The following IL1R1 variants were observed in gnomAD, a reference collection of about 807,000 sequenced individuals.
IL1R1 encodes the protein interleukin-1 receptor type 1.
In IL1R1, 22 loss-of-function variants were observed where a neutral mutation model predicts 50.2. The observed-to-expected ratio is 0.44, with a 90% CI of 0.31 to 0.63. The LOEUF (loss-of-function observed/expected upper bound fraction) is 0.63. Among genes scored for constraint, IL1R1 ranks in the 20% least tolerant of loss-of-function variants. The pLI is 0.07. For missense variants in IL1R1, 509 were observed against 676.2 expected, an observed-to-expected ratio of 0.75 and a Z score of 2.74; for synonymous variants, 251 against 236.7, an observed-to-expected ratio of 1.06 and a Z score of -0.55.
At chr2:102,129,078 G>A (rs1057085389) in intron 1 of IL1R1, among the ~76,000 whole-genome samples, 1 of 152,052 alleles carries the variant, frequency 6.6e-6, no homozygotes, top group African/African-American at 2.4e-5. Flanking sequence ...GGGTGTGGTG[G>A]TCCAGGCCTG....
chr2:102,100,404 C>A (rs1411335884), upstream of IL1R1, among the ~76,000 whole-genome samples: 1 of 152,178 alleles, frequency 6.6e-6, no homozygotes, highest in Non-Finnish European at 1.5e-5. Flanking sequence ...CTGAGGCTTT[C>A]CAGTAGAGCA....
chr2:102,089,998 T>G (rs1490482796), intron 1 of IL1R1, among the ~76,000 whole-genome samples: 2 of 151,804 alleles, frequency 1.3e-5, no homozygotes, highest in African/African-American at 4.8e-5. Flanking sequence ...CACACCCGGC[T>G]AATTTTTTTG....
At chr2:102,170,087 C>CA (rs920093642) in intron 7 of IL1R1, among the ~76,000 whole-genome samples, 9 of 151,302 alleles carry the variant, frequency 5.9e-5, no homozygotes, top group Admixed American at 2.0e-4. Context: ...TCTCAATCTA[C>CA]AAAAAAAAGC....
intron 1 of IL1R1, among the ~76,000 whole-genome samples, chr2:102,115,792 A>G (rs1449209798): frequency 6.6e-6 from 1 of 152,194 alleles, no homozygotes; most frequent in East Asian, 1.9e-4. Context: ...AGAGGTAGAC[A>G]TTAGGGAAAC....
At chr2:102,114,010 A>T (rs1329292798) in intron 1 of IL1R1, among the ~76,000 whole-genome samples, 1 of 152,190 alleles carries the variant, frequency 6.6e-6, no homozygotes, top group East Asian at 1.9e-4. Context: ...GAAGGGAAAC[A>T]CTAGTTTATG....
intron 1 of IL1R1, among the ~76,000 whole-genome samples, chr2:102,088,278 A>T (rs2104304909): frequency 6.6e-6 from 1 of 152,360 alleles, no homozygotes; most frequent in East Asian, 1.9e-4. Context: ...AAATAATAAG[A>T]ATTGAAAGTC....
At chr2:102,142,148 G>A (rs1577941547), upstream of IL1R1, 1 of 152,268 alleles carries the variant, frequency 6.6e-6, no homozygotes, top group East Asian at 1.9e-4. Flanking sequence ...AGCAGATAAC[G>A]CGTGAGTAGT....
At chr2:102,086,319 C>T (rs1444656424) in intron 1 of IL1R1, among the ~76,000 whole-genome samples, 2 of 152,124 alleles carry the variant, frequency 1.3e-5, no homozygotes, top group Admixed American at 1.3e-4. Flanking sequence ...TTAATCACTT[C>T]ATTGTATTTC....
rs191711812 is a variant in IL1R1 at position 102,115,697 on chromosome 2, G to A, written c.-84+10825G>A. On this transcript the variant is annotated intron_variant, in intron 1 of 10. Transcript: ENST00000409329. ...GCAGTATTTGGGATAGGCCTTGGAG[G>A]GGGGAGAAGGCGGAAGAAGAAGACT... Among the ~76,000 whole-genome samples the A allele has an allele frequency of 6.6e-5, 10 of 152,204 alleles. No individual in the cohort carries two copies. The East Asian group carries it at 9.7e-4, about 15-fold the overall frequency.
intron 1 of IL1R1, among the ~76,000 whole-genome samples, chr2:102,114,968 T>C (rs1446834614): frequency 6.6e-6 from 1 of 152,168 alleles, no homozygotes; most frequent in Non-Finnish European, 1.5e-5. Context: ...AAAATGGACA[T>C]TGCTGCTGCC....
intron 10 of IL1R1, among the ~76,000 whole-genome samples, chr2:102,175,079 A>G (rs1359359399): frequency 2.2e-5 from 3 of 136,656 alleles, no homozygotes; most frequent in Non-Finnish European, 3.1e-5. Context: ...CTAGATCTTC[A>G]TGCATCAGGG....
intron 1 of IL1R1, among the ~76,000 whole-genome samples, chr2:102,110,041 A>G (rs1383199157): frequency 1.3e-5 from 2 of 152,100 alleles, no homozygotes; most frequent in Non-Finnish European, 2.9e-5. Context: ...CACATGGTTT[A>G]TTTGCTTTTG....
At chr2:102,168,710 TA>T in intron 7 of IL1R1, 47 bp downstream of exon 7, 4 of 1,241,106 alleles carry the variant, frequency 3.2e-6, no homozygotes, top group Middle Eastern at 1.9e-4. Flanking sequence ...TTTTTTTTTT[TA>T]AAACATAAGA....
At chr2:102,162,981 A>T (rs759093848) in intron 3 of IL1R1, among the ~76,000 whole-genome samples, 3 of 152,164 alleles carry the variant, frequency 2.0e-5, no homozygotes, top group Non-Finnish European at 4.4e-5. Flanking sequence ...TGAAAAAGTC[A>T]GTATTTTTTC....
intron 8 of IL1R1, 113 bp downstream of exon 8, chr2:102,172,031 C>CTTTTTTTTTTTTTTTTTTTT (rs35265416): frequency 2.3e-5 from 2 of 87,246 alleles, no homozygotes; most frequent in Non-Finnish European, 4.1e-5. Flanking sequence ...CCTTTGCTGC[C>CTTTTTTTTTTTTTTTTTTTT]TTTTTTTTTT....
At chr2:102,101,070 A>G (rs1577842496), upstream of IL1R1, among the ~76,000 whole-genome samples, 1 of 152,200 alleles carries the variant, frequency 6.6e-6, no homozygotes, top group African/African-American at 2.4e-5. Context: ...GATCAGGTCA[A>G]TTAGCACTCC....
intron 1 of IL1R1, among the ~76,000 whole-genome samples, chr2:102,137,157 G>A (rs1326472714): frequency 6.6e-6 from 1 of 152,172 alleles, no homozygotes; most frequent in East Asian, 1.9e-4. Flanking sequence ...AGGGAGGATA[G>A]GTGTTGTTTA....
At chr2:102,165,053 C>T (rs1357973118) in intron 4 of IL1R1, 45 bp downstream of exon 4, 1 of 1,571,046 alleles carries the variant, frequency 6.4e-7, no homozygotes, top group African/African-American at 1.4e-5. Context: ...TAGTTTCCTG[C>T]AGTTGTTAAG....
chr2:102,156,611 A>G (rs1439210006), intron 2 of IL1R1, among the ~76,000 whole-genome samples: 1 of 151,874 alleles, frequency 6.6e-6, no homozygotes, highest in East Asian at 1.9e-4. Context: ...TCCTGGGTTC[A>G]AGCAATTCTC....
Sources: gnomAD v4.1 joint callset for allele counts (sites outside exome capture counted in the v4.1 genomes callset) on GRCh38, gnomAD v4.1.1 for gene constraint, MANE v1.5 for transcripts, NCBI Gene and HGNC (gene_info 2026-07-23, HGNC 2026-07-21) for gene names.